The following WDR74 variants were observed in gnomAD, a reference collection of about 807,000 sequenced individuals.
WDR74 encodes the protein WD repeat-containing protein 74.
WDR74 carries 31 observed loss-of-function variants against 45.6 expected under a neutral mutation model. That is an observed-to-expected ratio of 0.68 (90% CI 0.51 to 0.92). The LOEUF (loss-of-function observed/expected upper bound fraction) is 0.92, where lower values mean the gene tolerates loss of function less well. WDR74 is among the 40% of genes least tolerant of loss of function. The pLI is 0.00. For missense variants in WDR74, 455 were observed against 497.2 expected (o/e 0.92, Z 0.81); for synonymous variants, 191 against 192.4 (o/e 0.99, Z 0.06).
chr11:62,841,781 T>C (rs984753072), upstream of WDR74: 2 of 152,252 alleles, frequency 1.3e-5, no homozygotes, highest in Admixed American at 6.5e-5. Flanking sequence ...ATACTACACT[T>C]GATCTTAGCC....
At chr11:62,841,767 A>G (rs890880339), upstream of WDR74, 2 of 152,342 alleles carry the variant, frequency 1.3e-5, no homozygotes, top group Non-Finnish European at 1.5e-5. Flanking sequence ...ACTGATAAGA[A>G]CAGATACTAC....
intron 3 of WDR74, 150 bp downstream of exon 3, chr11:62,838,964 G>A (rs182529230): frequency 9.4e-7 from 1 of 1,068,268 alleles, no homozygotes; most frequent in East Asian, 2.6e-5. Context: ...TGTGTTACAG[G>A]TATGAACTAC....
At chr11:62,841,696 T>A (rs563306352), upstream of WDR74, 4 of 152,326 alleles carry the variant, frequency 2.6e-5, no homozygotes, top group Admixed American at 6.5e-5. Context: ...CTATTCCATC[T>A]CCTATTTCCA....
chr11:62,833,734 G>C (rs2084913600), intron 9 of WDR74, 58 bp downstream of exon 9: 3 of 1,597,170 alleles, frequency 1.9e-6, no homozygotes, highest in Non-Finnish European at 2.6e-6. Context: ...ATGAACGGAG[G>C]GCACAGGAGG....
upstream of WDR74, among the ~76,000 whole-genome samples, chr11:62,841,384 C>T (rs941728786): frequency 3.9e-5 from 6 of 152,066 alleles, no homozygotes; most frequent in African/African-American, 1.4e-4. Flanking sequence ...CTCAATAGTT[C>T]CAACTACCCC....
intron 3 of WDR74, among the ~76,000 whole-genome samples, chr11:62,838,142 T>C (rs2134894067): frequency 6.6e-6 from 1 of 152,242 alleles, no homozygotes; most frequent in Non-Finnish European, 1.5e-5. Flanking sequence ...AATGAATGCA[T>C]GCTTAAAACT....
At position 62,833,056 on chromosome 11, in the gene WDR74, A is replaced by G. The variant is rs142427050; in HGVS notation, c.1054T>C (p.Leu352=). The G allele has an allele frequency of 5.6e-4, 906 of 1,611,324 alleles. 3 individuals carry two copies. The African/African-American group carries it at 9.3e-3, about 16-fold the overall frequency. Residue 352 remains leucine (L), a synonymous_variant, in exon 11 of 11, where the codon TTG becomes CTG. Coordinates refer to ENST00000278856, the MANE Select transcript of WDR74 (RefSeq NM_001369450.1). ...DTETDELWAS[L]EAAAKRKLSG... Reference sequence around the variant, plus strand: ...AGCTTCCGCTTGGCAGCTGCCTCCAAGGATGCCCAAAGTTCATCTGTCTCT... The same window carrying G: ...AGCTTCCGCTTGGCAGCTGCCTCCAGGGATGCCCAAAGTTCATCTGTCTCT...
At chr11:62,835,364 C>T (rs951318145) in intron 6 of WDR74, 67 bp downstream of exon 6, 74 of 1,457,778 alleles carry the variant, frequency 5.1e-5, no homozygotes, top group Non-Finnish European at 6.8e-5. Flanking sequence ...TGTGTCAAAC[C>T]GTGGGGGCCA....
In WDR74 at chr11:62,839,408, G is replaced by T; in HGVS notation, c.85C>A (p.Gln29Lys). 1 of 1,613,304 alleles carries T rather than the reference G, an allele frequency of 6.2e-7. No individual in the cohort carries two copies. ...CCTCCGGCCGTGAAGTTCGCCGCCT[G>T]TTTTCGCTGAAGATTTACCCCTGAG... The part of the protein sequence containing the change: ...ILKGVNLQRK[Q>K]AANFTAGGQP... Residue 29 changes from glutamine to lysine, a missense_variant, in exon 2 of 11, where the codon CAG (glutamine) becomes AAG (lysine). Transcript: ENST00000278856.
In WDR74 at chr11:62,833,640, A is replaced by G; in HGVS notation, c.956T>C (p.Leu319Ser). ...CACCTCCCAGTTGTCCCTGCCTGAC[A>G]AGAGGAGGCAGTTCAATTGAGACTT... ...YLKSQLNCLL[L>S]SGRDNWEDEP... Residue 319 changes from leucine to serine, a missense_variant, in exon 10 of 11, where the codon TTG becomes TCG. By Grantham distance (145) the Leu-to-Ser change is moderately radical. Transcript: ENST00000278856. 6.4e-7 allele frequency: 1 copy of G among 1,552,766 alleles called. No individual in the cohort carries two copies. Among genetic ancestry groups the G allele is most frequent in the Non-Finnish European group, 8.7e-7 (1 of 1,147,582 alleles).
chr11:62,835,073 G>T, intron 6 of WDR74: 1 of 247,650 alleles, frequency 4.0e-6, no homozygotes, highest in South Asian at 6.8e-5. Flanking sequence ...GAGATGGGAG[G>T]CTCAGGCCTG....
chr11:62,841,510 T>A (rs549364578), upstream of WDR74: 1 of 152,162 alleles, frequency 6.6e-6, no homozygotes, highest in South Asian at 2.1e-4. Flanking sequence ...TTCAACACAC[T>A]AGCGATAAAA....
chr11:62,840,609 C>G (rs981615057), upstream of WDR74, among the ~76,000 whole-genome samples: 5 of 152,070 alleles, frequency 3.3e-5, no homozygotes, highest in Non-Finnish European at 2.9e-5. Flanking sequence ...GCTACTTTAC[C>G]TAGAGATTAA....
At chr11:62,837,079 G>C (rs2084969883) in intron 3 of WDR74, among the ~76,000 whole-genome samples, 1 of 151,700 alleles carries the variant, frequency 6.6e-6, no homozygotes, top group Non-Finnish European at 1.5e-5. Context: ...CCGTCTCTCA[G>C]AAAAACAAAA....
intron 10 of WDR74, 112 bp from the exon 11 acceptor site, chr11:62,833,243 T>A: frequency 9.9e-7 from 1 of 1,015,170 alleles, no homozygotes. Context: ...AGCCCAGGAC[T>A]TAGCGACCAG....
At chr11:62,835,148 A>G (rs2084939419) in intron 6 of WDR74, 2 of 385,284 alleles carry the variant, frequency 5.2e-6, no homozygotes, top group Admixed American at 8.3e-5. Context: ...CACCCAGCCC[A>G]ATGTCCTCTG....
intron 3 of WDR74, among the ~76,000 whole-genome samples, chr11:62,838,708 A>C (rs1324001662): frequency 3.3e-5 from 5 of 151,146 alleles, no homozygotes; most frequent in Admixed American, 3.3e-4. Flanking sequence ...CAGTGAGCCG[A>C]GATCGCGCCA....
At chr11:62,833,281 C>G (rs2134875661) in intron 10 of WDR74, 150 bp from the exon 11 acceptor site, 1 of 406,328 alleles carries the variant, frequency 2.5e-6, no homozygotes, top group African/African-American at 2.3e-5. Context: ...GACCCCATCT[C>G]CACAAAAAGA....
At chr11:62,834,076 T>A in intron 8 of WDR74, 139 bp from the exon 9 acceptor site, 1 of 1,435,770 alleles carries the variant, frequency 7.0e-7, no homozygotes. Flanking sequence ...AATATTTCCA[T>A]TTCGCAGGTG....
Sources: gnomAD v4.1 joint callset for allele counts (sites outside exome capture counted in the v4.1 genomes callset) on GRCh38, gnomAD v4.1.1 for gene constraint, MANE v1.5 for transcripts, NCBI Gene and HGNC (gene_info 2026-07-23, HGNC 2026-07-21) for gene names.